The following PIEZO2 variants were observed in gnomAD, a reference collection of about 807,000 sequenced individuals.
PIEZO2 encodes the protein piezo-type mechanosensitive ion channel component 2.
In PIEZO2, 172 loss-of-function variants were observed where a neutral mutation model predicts 337.3. The observed-to-expected ratio is 0.51, with a 90% CI of 0.45 to 0.58. The LOEUF (loss-of-function observed/expected upper bound fraction) is 0.58. PIEZO2 is among the 20% of genes least tolerant of loss of function. The pLI, the probability that PIEZO2 is intolerant of heterozygous loss-of-function variation, is 0.00. For synonymous variants in PIEZO2, 1,251 were observed against 1,228.5 expected, an observed-to-expected ratio of 1.02 and a Z score of -0.38; for missense variants, 3,028 against 3,391.3, an observed-to-expected ratio of 0.89 and a Z score of 2.66.
At position 10,934,279 on chromosome 18, in the gene PIEZO2, G is replaced by T. The variant is rs1020974774; in HGVS notation, c.287-23051C>A. 7.2e-5 allele frequency among the ~76,000 whole-genome samples: 11 copies of T among 152,260 alleles called. 1 individual carries two copies. The highest frequency in any genetic ancestry group is 6.8e-3 in the Middle Eastern group (2 of 294). On this transcript the variant is annotated intron_variant, in intron 3 of 55. Coordinates refer to ENST00000674853, the MANE Select transcript of PIEZO2 (RefSeq NM_001378183.1). ...GTAATTTTCCCAGTACATGGGTGAC[G>T]AAGGGCAGGCATTGTGAGGCTTCCA... is the stretch of plus-strand genomic sequence containing the variant.
At chr18:10,798,510 CA>C (rs1395655912) in intron 11 of PIEZO2, among the ~76,000 whole-genome samples, 1 of 152,224 alleles carries the variant, frequency 6.6e-6, no homozygotes, top group African/African-American at 2.4e-5. Context: ...GGATCATAGA[CA>C]GGGGTGAAAA....
intron 3 of PIEZO2, among the ~76,000 whole-genome samples, chr18:10,974,120 G>A (rs919598332): frequency 1.3e-5 from 2 of 152,180 alleles, no homozygotes; most frequent in South Asian, 2.1e-4. Flanking sequence ...CCCCACAGTC[G>A]TCGGGATGGG....
chr18:11,098,604 G>A (rs2039324056), intron 1 of PIEZO2, among the ~76,000 whole-genome samples: 2 of 150,134 alleles, frequency 1.3e-5, no homozygotes, highest in Non-Finnish European at 3.0e-5. Flanking sequence ...TGGGAGGTGG[G>A]GCCTAATGGG....
chr18:11,047,164 GT>G lies in PIEZO2; in HGVS notation c.160+18962del, dbSNP rs1389873806. 6.6e-6 allele frequency among the ~76,000 whole-genome samples: 1 copy of G among 152,210 alleles called. No homozygotes were observed. The highest frequency in any genetic ancestry group is 2.4e-5 in the African/African-American group (1 of 41,450). On this transcript the variant is annotated intron_variant, in intron 2 of 55. Coordinates refer to ENST00000674853, the MANE Select transcript of PIEZO2 (RefSeq NM_001378183.1). This position sits in a 1 kb window ranked among gnomAD's most constrained non-coding sequence, Gnocchi z 7.2. The stretch of plus-strand genomic sequence containing the variant: ...CGTTTTCTGCACGTGCCTCCCTGGG[GT>G]CCTCCTTACTGCATGGTACCTCCCA...
chr18:11,040,239 A>G (rs2037070644), intron 2 of PIEZO2, among the ~76,000 whole-genome samples: 1 of 152,064 alleles, frequency 6.6e-6, no homozygotes, highest in Non-Finnish European at 1.5e-5. Flanking sequence ...TATTTCTTCT[A>G]TTATTATTAT....
rs969458352 is a variant in PIEZO2 at position 11,035,863 on chromosome 18, T to C, written c.160+30264A>G. Among the ~76,000 whole-genome samples the C allele has an allele frequency of 1.3e-5, 2 of 152,146 alleles. No individual in the cohort carries two copies. The highest frequency in any genetic ancestry group is 4.8e-5 in the African/African-American group (2 of 41,406). ...GGTGTCTCCCCTAATGAACAGCAAATAATATCTGTACTCCAAATACTTGTC... is the reference window on the plus strand; with the variant it reads ...GGTGTCTCCCCTAATGAACAGCAAACAATATCTGTACTCCAAATACTTGTC... On this transcript the variant is annotated intron_variant, in intron 2 of 55. Transcript: ENST00000674853. The surrounding 1 kb of genome is among the most constrained non-coding windows in gnomAD (Gnocchi z 4.3).
chr18:11,083,357 G>A lies in PIEZO2; in HGVS notation c.65-17135C>T, dbSNP rs565215163. Among the ~76,000 whole-genome samples the A allele has an allele frequency of 1.3e-5, 2 of 152,374 alleles. No homozygotes were observed. The highest frequency in any genetic ancestry group is 1.3e-4 in the Admixed American group (2 of 15,312). ...GCCAGGATCAGAATTTCTCTCAGAA[G>A]AGGAACTATATTTGTTTGGATGTTT... On this transcript the variant is annotated intron_variant, in intron 1 of 55. Coordinates refer to ENST00000674853, the MANE Select transcript of PIEZO2 (RefSeq NM_001378183.1). This position sits in a 1 kb window ranked among gnomAD's most constrained non-coding sequence, Gnocchi z 4.4.
rs1039726377 is a variant in PIEZO2, at chr18:10,787,146, A to G, written c.2208T>C (p.Phe736=). The G allele has an allele frequency of 6.5e-7, 1 of 1,533,608 alleles. No homozygotes were observed. Among genetic ancestry groups the G allele is most frequent in the African/African-American group, 1.4e-5 (1 of 72,852 alleles). Residue 736 remains phenylalanine, a synonymous_variant, in exon 16 of 56, where the codon TTT becomes TTC. Transcript: ENST00000674853. The stretch of plus-strand genomic sequence containing the variant: ...TAGTGTAAATAACCACTGACATCCA[A>G]AAATATTTTAGAATTTTCCTCCACC... ...YEWWRKILKY[F]WMSVVIYTML...
intron 36 of PIEZO2, among the ~76,000 whole-genome samples, chr18:10,718,478 G>A (rs958293780): frequency 1.3e-5 from 2 of 152,154 alleles, no homozygotes; most frequent in Non-Finnish European, 2.9e-5. Context: ...AACTACATTC[G>A]CTGGTGGGTA....
chr18:11,122,626 G>A (rs1017071782), intron 1 of PIEZO2, among the ~76,000 whole-genome samples: 16 of 152,244 alleles, frequency 1.1e-4, no homozygotes, highest in African/African-American at 3.9e-4. Flanking sequence ...TCACAAGAAT[G>A]TATTTCTATT....
In PIEZO2 at chr18:10,982,158, T is replaced by C. The variant is rs1489869465; in HGVS notation, c.161-2498A>G. On this transcript the variant is annotated intron_variant, in intron 2 of 55. Transcript: ENST00000674853. The surrounding 1 kb of genome is among the most constrained non-coding windows in gnomAD (Gnocchi z 4.1). ...GAGAAAGCTTTCAAGAGTTCTATTA[T>C]GCAAAATTTTGCAGCAGCTTTTTGC... 6.6e-6 allele frequency among the ~76,000 whole-genome samples: 1 copy of C among 152,240 alleles called. No individual in the cohort carries two copies. The highest frequency in any genetic ancestry group is 1.5e-5 in the Non-Finnish European group (1 of 68,036).
rs1410318154 is a variant in PIEZO2 at position 10,888,464 on chromosome 18, G to C, written c.330-17049C>G. Among the ~76,000 whole-genome samples the C allele has an allele frequency of 6.6e-6, 1 of 151,940 alleles. No individual in the cohort carries two copies. Among genetic ancestry groups the C allele is most frequent in the Non-Finnish European group, 1.5e-5 (1 of 67,978 alleles). On this transcript the variant is annotated intron_variant, in intron 4 of 55. Coordinates refer to ENST00000674853, the MANE Select transcript of PIEZO2 (RefSeq NM_001378183.1). This position sits in a 1 kb window ranked among gnomAD's most constrained non-coding sequence, Gnocchi z 4.1. ...TCAGAAAGCCCTATTTTCTTTTTGT[G>C]CACCCTGGTATTCAGAGCTGGGCAC...
At chr18:10,719,554 A>T (rs1302058600) in intron 36 of PIEZO2, among the ~76,000 whole-genome samples, 2 of 152,222 alleles carry the variant, frequency 1.3e-5, no homozygotes, top group African/African-American at 4.8e-5. Flanking sequence ...GTAGTATTCC[A>T]TGACATATAC....
intron 45 of PIEZO2, among the ~76,000 whole-genome samples, chr18:10,696,774 A>G (rs1041312546): frequency 6.6e-6 from 1 of 152,230 alleles, no homozygotes; most frequent in Non-Finnish European, 1.5e-5. Context: ...ATGGCACCAC[A>G]GCCCTCTCCT....
Position 10,716,583 on chromosome 18 carries a change from G to A in PIEZO2, c.5090-767C>T, listed in dbSNP as rs564236993. 6.6e-6 allele frequency among the ~76,000 whole-genome samples: 1 copy of A among 151,846 alleles called. No homozygotes were observed. The highest frequency in any genetic ancestry group is 2.4e-5 in the African/African-American group (1 of 41,152). On this transcript the variant is annotated intron_variant, in intron 37 of 55. Transcript: ENST00000674853. The surrounding 1 kb of genome is among the most constrained non-coding windows in gnomAD (Gnocchi z 4.1). ...CACAGGAAGAGAACGGCCGCTGCTT[G>A]AAGCTGAATGAAGTGAGTCGCTGTG...
At chr18:10,769,956 G>T in intron 21 of PIEZO2, 192 bp downstream of exon 21, 1 of 547,734 alleles carries the variant, frequency 1.8e-6, no homozygotes, top group Non-Finnish European at 3.0e-6. Context: ...GAGAAACTCA[G>T]CCACGAGCCT....
At chr18:10,831,504 A>T (rs1206381163) in intron 7 of PIEZO2, among the ~76,000 whole-genome samples, 2 of 152,206 alleles carry the variant, frequency 1.3e-5, no homozygotes, top group African/African-American at 2.4e-5. Context: ...TGGAGAGTGG[A>T]ATGATGGTTA....
intron 2 of PIEZO2, among the ~76,000 whole-genome samples, chr18:11,049,033 C>T (rs1415373697): frequency 6.6e-6 from 1 of 152,134 alleles, no homozygotes; most frequent in Non-Finnish European, 1.5e-5. Flanking sequence ...TGAAGCAAGT[C>T]AGCTTCAAAA....
At chr18:10,787,951 C>G (rs774643061) in intron 15 of PIEZO2, among the ~76,000 whole-genome samples, 12 of 152,046 alleles carry the variant, frequency 7.9e-5, no homozygotes, top group Admixed American at 5.2e-4. Context: ...TGAAAGCAGT[C>G]AATGCACTAT....
Sources: gnomAD v4.1 joint callset for allele counts (sites outside exome capture counted in the v4.1 genomes callset) on GRCh38, gnomAD v4.1.1 for gene constraint, Gnocchi (gnomAD v3.1) non-coding constraint, MANE v1.5 for transcripts, NCBI Gene and HGNC (gene_info 2026-07-23, HGNC 2026-07-21) for gene names.